The following IFIH1 variants were observed in gnomAD, a reference collection of about 807,000 sequenced individuals.
The protein encoded by IFIH1 is interferon-induced helicase C domain-containing protein 1.
A neutral mutation model predicts 107.4 loss-of-function variants in IFIH1; 125 were observed. That is an observed-to-expected ratio of 1.16 (90% CI 1.01 to 1.35). The LOEUF is 1.35. IFIH1 is among the 40% of genes most tolerant of loss of function. IFIH1 has a pLI of 0.00. For missense variants in IFIH1, 1,333 were observed against 1,213.7 expected, an observed-to-expected ratio of 1.10 and a Z score of -1.46; for synonymous variants, 458 against 413.2, an observed-to-expected ratio of 1.11 and a Z score of -1.31.
intron 5 of IFIH1, among the ~76,000 whole-genome samples, chr2:162,285,612 TCCCCAGGTGTCCA>T (rs1440237925): frequency 6.6e-6 from 1 of 151,900 alleles, no homozygotes; most frequent in Non-Finnish European, 1.5e-5. Context: ...TAGAGTCAAG[TCCCCAGGTGTCCA>T]CACAACAATG....
At chr2:162,304,067 C>T (rs993856116) in intron 3 of IFIH1, among the ~76,000 whole-genome samples, 1 of 152,260 alleles carries the variant, frequency 6.6e-6, no homozygotes, top group African/African-American at 2.4e-5. Context: ...GGTGCAGCTG[C>T]TCAAATGAAA....
chr2:162,269,577 C>A lies in IFIH1; in HGVS notation c.2617-1300G>T, dbSNP rs1690994100. 2.6e-5 allele frequency among the ~76,000 whole-genome samples: 4 copies of A among 152,250 alleles called. 1 individual carries two copies. The South Asian group carries it at 8.3e-4, about 32-fold the overall frequency. ...ACATAGGGACTGAACAGTGTTTATA[C>A]CAACACAACTTCACGGTAGAAAAAT... On this transcript the variant is annotated intron_variant, in intron 13 of 15. Transcript: ENST00000649979.
chr2:162,287,457 C>G (rs183403508), intron 5 of IFIH1, among the ~76,000 whole-genome samples: 1 of 151,528 alleles, frequency 6.6e-6, no homozygotes, highest in Admixed American at 6.6e-5. Flanking sequence ...TTTTGTTTTA[C>G]GGTGAAGCAG....
intron 13 of IFIH1, among the ~76,000 whole-genome samples, chr2:162,270,558 G>C (rs1395369370): frequency 6.6e-6 from 1 of 152,154 alleles, no homozygotes; most frequent in African/African-American, 2.4e-5. Context: ...TAGGAGGGCA[G>C]GTTTCTTGGC....
At chr2:162,308,674 G>A (rs1253681476) in intron 2 of IFIH1, among the ~76,000 whole-genome samples, 2 of 152,162 alleles carry the variant, frequency 1.3e-5, no homozygotes, top group African/African-American at 4.8e-5. Context: ...CACCACGCTT[G>A]GCCTGGCTCA....
rs1683290388 is a variant in IFIH1 at position 162,306,839 on chromosome 2, T to C, written c.639A>G (p.Ser213=). 1.9e-6 allele frequency: 3 copies of C among 1,613,838 alleles called. No individual in the cohort carries two copies. The highest frequency in any genetic ancestry group is 2.5e-6 in the Non-Finnish European group (3 of 1,179,800). The change falls in exon 3 of 16, where the codon TCA becomes TCG. Residue 213 remains serine, a synonymous_variant. Coordinates refer to ENST00000649979, the MANE Select transcript of IFIH1 (RefSeq NM_022168.4). ...CTTCCACTTGAGGACCATCAACTTG[T>C]GATAAATTCTCAATCTCTGTGAATA... ...SESNAEIENL[S]QVDGPQVEEQ...
At chr2:162,280,757 G>GC (rs773047396) in intron 7 of IFIH1, among the ~76,000 whole-genome samples, 2 of 151,956 alleles carry the variant, frequency 1.3e-5, no homozygotes. Context: ...AAATGCAATT[G>GC]CCTTGGTACC....
chr2:162,291,256 T>C (rs1291453271), intron 4 of IFIH1, among the ~76,000 whole-genome samples: 1 of 151,874 alleles, frequency 6.6e-6, no homozygotes, highest in Admixed American at 6.6e-5. Flanking sequence ...CACATTGATT[T>C]TGACAGCTGA....
chr2:162,270,597 C>A (rs1236172638), intron 13 of IFIH1, among the ~76,000 whole-genome samples: 1 of 152,146 alleles, frequency 6.6e-6, no homozygotes, highest in African/African-American at 2.4e-5. Context: ...ATAGTCCATT[C>A]TGGGGCACCC....
intron 3 of IFIH1, among the ~76,000 whole-genome samples, chr2:162,304,214 C>A (rs1303552604): frequency 3.3e-5 from 5 of 152,184 alleles, no homozygotes; most frequent in Admixed American, 3.3e-4. Flanking sequence ...AATCCCAGCA[C>A]TTTGGGAGGC....
chr2:162,310,862 T>G lies in IFIH1; in HGVS notation c.525A>C (p.Glu175Asp), dbSNP rs774112201. 6.2e-7 allele frequency: 1 copy of G among 1,613,058 alleles called. No homozygotes were observed. Among genetic ancestry groups the G allele is most frequent in the East Asian group, 2.2e-5 (1 of 44,848 alleles). The change falls in exon 2 of 16, where the codon GAA becomes GAC. Residue 175 changes from glutamate (E) to aspartate (D), a missense_variant. Glu to Asp is a conservative substitution (Grantham distance 45). Transcript: ENST00000649979. ...CATTCAGAAATGCAGAGAACCAGTT[T>G]TCTTTCTGCACAATCCTTTTTAGTA... ...RELLKRIVQK[E>D]NWFSAFLNVL...
At chr2:162,283,203 G>A (rs1037554571) in intron 5 of IFIH1, among the ~76,000 whole-genome samples, 1 of 151,922 alleles carries the variant, frequency 6.6e-6, no homozygotes, top group African/African-American at 2.4e-5. Flanking sequence ...AGGCCCACAG[G>A]ACCGGAAGAA....
At chr2:162,312,687 GCT>G (rs1229304148) in intron 1 of IFIH1, among the ~76,000 whole-genome samples, 2 of 151,890 alleles carry the variant, frequency 1.3e-5, no homozygotes, top group Admixed American at 1.3e-4. Flanking sequence ...TTTTTTTCTA[GCT>G]CTCTTAGTCT....
rs1459146477 is a variant in IFIH1 at position 162,317,969 on chromosome 2, T to C, written c.339A>G (p.Glu113=). Residue 113 remains glutamate, a synonymous_variant, in exon 1 of 16, where the codon GAA becomes GAG. Transcript: ENST00000649979. ...PSPSFENAHD[E]YLQLLNLLQP... ...GAAGGAGGTTCAGCAGTTGGAGATA[T>C]TCATCATGAGCGTTCTCAAACGATG... 1.2e-6 allele frequency: 2 copies of C among 1,614,162 alleles called. No individual in the cohort carries two copies. The highest frequency in any genetic ancestry group is 1.7e-6 in the Non-Finnish European group (2 of 1,180,032).
chr2:162,270,188 G>A (rs1691008063), intron 13 of IFIH1, among the ~76,000 whole-genome samples: 1 of 152,146 alleles, frequency 6.6e-6, no homozygotes, highest in Non-Finnish European at 1.5e-5. Flanking sequence ...AGGAGGCACA[G>A]CTACAATCAG....
chr2:162,279,918 C>A lies in IFIH1; in HGVS notation c.1641+78G>T. The A allele has an allele frequency of 3.7e-6, 3 of 808,870 alleles. No homozygotes were observed. In the South Asian group the frequency reaches 4.5e-5, roughly 12 times the overall value. The allele number at this position is 808,870 out of a possible 1,614,324, so 50.1% of individuals were successfully genotyped here. On this transcript the variant is annotated intron_variant, in intron 8 of 15. Coordinates refer to ENST00000649979, the MANE Select transcript of IFIH1 (RefSeq NM_022168.4). ...TTTTAAATAATATTTTTCAGATGGT[C>A]AGTATAAAATAGCCTTTGCCATCTT...
rs1371179292 is a variant in IFIH1, at chr2:162,271,609, G to GA, written c.2616+616dup. Reference sequence around the variant, plus strand: ...TACGCTAGAACTTAAAGTATAATAAGAAAAAAAAGAATTTCAAAAACTACT... The same window carrying GA: ...TACGCTAGAACTTAAAGTATAATAAGAAAAAAAAAGAATTTCAAAAACTACT... On this transcript the variant is annotated intron_variant, in intron 13 of 15. Transcript: ENST00000649979. Among the ~76,000 whole-genome samples, 7 of 151,620 alleles carry GA rather than the reference G, an allele frequency of 4.6e-5. 1 individual carries two copies. The East Asian group carries it at 7.8e-4, about 17-fold the overall frequency.
chr2:162,270,969 G>A (rs1204236047), intron 13 of IFIH1, among the ~76,000 whole-genome samples: 1 of 152,120 alleles, frequency 6.6e-6, no homozygotes, highest in Non-Finnish European at 1.5e-5. Context: ...CAATTCCAAT[G>A]TTAAGAAACT....
chr2:162,312,985 A>G (rs1683405774), intron 1 of IFIH1, among the ~76,000 whole-genome samples: 1 of 152,146 alleles, frequency 6.6e-6, no homozygotes, highest in African/African-American at 2.4e-5. Flanking sequence ...CTATTCTATT[A>G]AGTCAACTTT....
Sources: gnomAD v4.1 joint callset for allele counts (sites outside exome capture counted in the v4.1 genomes callset) on GRCh38, gnomAD v4.1.1 for gene constraint, MANE v1.5 for transcripts, NCBI Gene and HGNC (gene_info 2026-07-23, HGNC 2026-07-21) for gene names.